The following MKRN2OS variants were observed in gnomAD, a reference collection of about 807,000 sequenced individuals.
MKRN2OS encodes MKRN2 opposite strand protein.
MKRN2OS carries 17 observed loss-of-function variants against 18.2 expected under a neutral mutation model. The observed-to-expected ratio is 0.93, with a 90% CI of 0.64 to 1.40. The LOEUF (loss-of-function observed/expected upper bound fraction) is 1.40. MKRN2OS is among the 40% of genes most tolerant of loss of function. The probability of loss-of-function intolerance (pLI) is 0.00; values close to 1 mark genes in which losing one functional copy is unlikely to be tolerated. For synonymous variants in MKRN2OS, 121 were observed against 108.5 expected, an observed-to-expected ratio of 1.12 and a Z score of -0.72; for missense variants, 337 against 283.0, an observed-to-expected ratio of 1.19 and a Z score of -1.37.
intron 2 of MKRN2OS, 127 bp downstream of exon 2, chr3:12,543,053 G>T: frequency 1.5e-6 from 1 of 653,506 alleles, no homozygotes; most frequent in Non-Finnish European, 2.5e-6. Context: ...CCTACCTCAT[G>T]GTGCAGTACA....
At chr3:12,555,763 C>T (rs1231138182) in intron 1 of MKRN2OS, among the ~76,000 whole-genome samples, 1 of 152,210 alleles carries the variant, frequency 6.6e-6, no homozygotes, top group African/African-American at 2.4e-5. Flanking sequence ...CCACCCACCC[C>T]CTGCAGCCTC....
intron 3 of MKRN2OS, 50 bp from the exon 4 acceptor site, chr3:12,540,483 G>A: frequency 2.0e-6 from 3 of 1,533,548 alleles, no homozygotes; most frequent in Non-Finnish European, 2.6e-6. Context: ...CTCAGAACAG[G>A]CTGTCAAGCT....
chr3:12,550,210 A>G (rs1012969241), upstream of MKRN2OS, among the ~76,000 whole-genome samples: 3 of 152,206 alleles, frequency 2.0e-5, no homozygotes, highest in Admixed American at 6.5e-5. Context: ...TCAGCAGGCG[A>G]ATGGAAAAAC....
In MKRN2OS at chr3:12,540,392, G is replaced by T; in HGVS notation, c.473C>A (p.Thr158Lys). The T allele has an allele frequency of 2.0e-6, 3 of 1,536,138 alleles. No individual in the cohort carries two copies. The highest frequency in any genetic ancestry group is 1.7e-6 in the Non-Finnish European group (2 of 1,146,908). ...TGCCATCAGAACGCAGTTAATGAACGTGAGTGCGTAAGAGTAGCAGTTATG... is the reference window on the plus strand; with the variant it reads ...TGCCATCAGAACGCAGTTAATGAACTTGAGTGCGTAAGAGTAGCAGTTATG... ...NHHNCYSYAL[T>K]FINCVLMAEG... Residue 158 changes from threonine (T) to lysine (K), a missense_variant, in exon 4 of 4, where the codon ACG becomes AAG. Transcript: ENST00000564146.
At chr3:12,547,876 G>A (rs1323829046), upstream of MKRN2OS, among the ~76,000 whole-genome samples, 1 of 152,190 alleles carries the variant, frequency 6.6e-6, no homozygotes, top group South Asian at 2.1e-4. Context: ...ACATGAGAAT[G>A]ATCATCAGAC....
chr3:12,545,132 G>GA (rs2125291414), intron 1 of MKRN2OS, 115 bp downstream of exon 1: 1 of 820,610 alleles, frequency 1.2e-6, no homozygotes. Context: ...CCAAAGCACC[G>GA]AAAAAATTGT....
At chr3:12,545,146 C>T (rs2057868150) in intron 1 of MKRN2OS, 101 bp downstream of exon 1, 2 of 982,064 alleles carry the variant, frequency 2.0e-6, no homozygotes, top group African/African-American at 3.3e-5. Flanking sequence ...AAATTGTCCA[C>T]CAAACCTCAC....
At chr3:12,546,128 C>T (rs528258489), upstream of MKRN2OS, among the ~76,000 whole-genome samples, 2 of 152,270 alleles carry the variant, frequency 1.3e-5, no homozygotes, top group East Asian at 1.9e-4. Flanking sequence ...TTGTTTCTCC[C>T]GTTAGTCTGT....
chr3:12,553,019 A>G (rs1181240867), downstream of MKRN2OS, among the ~76,000 whole-genome samples: 1 of 108,768 alleles, frequency 9.2e-6, no homozygotes, highest in African/African-American at 2.7e-5. Context: ...CGGTCTCCAA[A>G]AAAAAAAAAA....
rs114988375 is a variant in MKRN2OS at position 12,541,806 on chromosome 3, C to T, written c.431+54G>A. Reference sequence around the variant, plus strand: ...TGTGAGCTGAGGCTACACGGGGATCCCACTTGCATAGCATGTGAGTGTCAG... The same window carrying T: ...TGTGAGCTGAGGCTACACGGGGATCTCACTTGCATAGCATGTGAGTGTCAG... On this transcript the variant is annotated intron_variant, in intron 3 of 3. Coordinates refer to ENST00000564146, the MANE Select transcript of MKRN2OS (RefSeq NM_001195279.2). 9.9e-4 allele frequency: 1,473 copies of T among 1,489,282 alleles called. 6 individuals carry two copies. The highest frequency in any genetic ancestry group is 5.5e-3 in the African/African-American group (396 of 72,276). The allele number at this position is 1,489,282 out of a possible 1,614,324, so 92.3% of individuals were successfully genotyped here. A position where few individuals can be genotyped will look rare whatever the true frequency, so the allele number is the denominator to read the frequency against.
Position 12,540,165 on chromosome 3 carries a change from C to G in MKRN2OS, c.*28G>C. Reference sequence around the variant, plus strand: ...TAAAGGTAGCAACCACCCTACCCTCCAGCGTCCAGGCTGCGCTTACATAGC... The same window carrying G: ...TAAAGGTAGCAACCACCCTACCCTCGAGCGTCCAGGCTGCGCTTACATAGC... On this transcript the variant is annotated 3_prime_UTR_variant, in exon 4 of 4. Coordinates refer to ENST00000564146, the MANE Select transcript of MKRN2OS (RefSeq NM_001195279.2). 6.5e-7 allele frequency: 1 copy of G among 1,535,904 alleles called. No homozygotes were observed. The highest frequency in any genetic ancestry group is 8.7e-7 in the Non-Finnish European group (1 of 1,146,750).
At chr3:12,549,094 C>A (rs1409263305), upstream of MKRN2OS, among the ~76,000 whole-genome samples, 1 of 152,018 alleles carries the variant, frequency 6.6e-6, no homozygotes, top group Non-Finnish European at 1.5e-5. Context: ...ACCATCACAC[C>A]TGACTAATTT....
intron 1 of MKRN2OS, 47 bp downstream of exon 1, chr3:12,545,196 CAGAA>C (rs1327029015): frequency 3.6e-6 from 5 of 1,385,878 alleles, no homozygotes; most frequent in Admixed American, 2.5e-5. Flanking sequence ...GTGACTAAAA[CAGAA>C]GGAAAAGTTT....
chr3:12,540,649 G>A (rs1178904154), intron 3 of MKRN2OS, among the ~76,000 whole-genome samples: 1 of 152,022 alleles, frequency 6.6e-6, no homozygotes, highest in African/African-American at 2.4e-5. Flanking sequence ...GAGGGTGGGA[G>A]GATCACTTGA....
At chr3:12,555,043 C>T (rs1231406373) in intron 1 of MKRN2OS, among the ~76,000 whole-genome samples, 1 of 152,176 alleles carries the variant, frequency 6.6e-6, no homozygotes, top group Non-Finnish European at 1.5e-5. Context: ...GGCGCGGTGG[C>T]TCTCGCCCGT....
chr3:12,544,953 G>T (rs984589781), intron 1 of MKRN2OS, among the ~76,000 whole-genome samples: 75 of 152,328 alleles, frequency 4.9e-4, no homozygotes, highest in Middle Eastern at 3.4e-3. Context: ...ATTAGCTGCT[G>T]GGTCATTTTC....
rs1345322887 is a variant in MKRN2OS, at chr3:12,540,433, C to T, written c.432G>A (p.Arg144=). ...AGCAGTTATGGTGGTTGTCTTCATA[C>T]CTTATGGAGGAGAATAAGGGTGTTG... The part of the protein sequence containing the change: ...FSTSGAWLPH[R]YEDNHHNCYS... Residue 144 remains arginine, a splice_region_variant and synonymous_variant, in exon 4 of 4, where the codon AGG becomes AGA. Coordinates refer to ENST00000564146, the MANE Select transcript of MKRN2OS (RefSeq NM_001195279.2). 6.5e-7 allele frequency: 1 copy of T among 1,535,970 alleles called. No individual in the cohort carries two copies. Among genetic ancestry groups the T allele is most frequent in the Non-Finnish European group, 8.7e-7 (1 of 1,146,892 alleles).
At chr3:12,559,163 G>A (rs1007380753) in intron 1 of MKRN2OS, among the ~76,000 whole-genome samples, 4 of 152,162 alleles carry the variant, frequency 2.6e-5, no homozygotes, top group Non-Finnish European at 5.9e-5. Context: ...AAGGAGTCAG[G>A]GCTCCCGATG....
intron 2 of MKRN2OS, among the ~76,000 whole-genome samples, chr3:12,542,799 A>C (rs2057834066): frequency 6.6e-6 from 1 of 151,742 alleles, no homozygotes; most frequent in Non-Finnish European, 1.5e-5. Flanking sequence ...ACCCAGTGGT[A>C]GTCGGCTGAG....
Sources: allele counts gnomAD v4.1 joint callset (sites outside exome capture counted in the v4.1 genomes callset), GRCh38; gene constraint gnomAD v4.1.1; transcripts MANE v1.5; gene names NCBI Gene and HGNC (gene_info 2026-07-23, HGNC 2026-07-21).